Variants in SPTAN1 observed in about 807,000 individuals in gnomAD.
SPTAN1 encodes spectrin alpha, non-erythrocytic 1.
SPTAN1 carries 61 observed loss-of-function variants against 331.3 expected under a neutral mutation model. The observed-to-expected ratio is 0.18, with a 90% CI of 0.15 to 0.23. The LOEUF is 0.23. Ranked by LOEUF, SPTAN1 falls within the 10% of genes least tolerant of loss-of-function variation. The pLI is 1.00. For synonymous variants in SPTAN1, 1,153 were observed against 1,173.9 expected (o/e 0.98, Z 0.36); for missense variants, 2,043 against 3,147.9 (o/e 0.65, Z 8.40).
intron 11 of SPTAN1, among the ~76,000 whole-genome samples, chr9:128,581,428 G>A (rs1272000921): frequency 4.8e-5 from 7 of 146,290 alleles, no homozygotes; most frequent in Admixed American, 1.4e-4. Context: ...AGCTATGATC[G>A]TACCACCGCA....
intron 20 of SPTAN1, 23 bp from the exon 21 acceptor site, chr9:128,588,786 T>C (rs1175589573): frequency 6.2e-7 from 1 of 1,613,750 alleles, no homozygotes; most frequent in South Asian, 1.1e-5. Context: ...TTTACCATGT[T>C]TGCCCTTCCT....
intron 11 of SPTAN1, among the ~76,000 whole-genome samples, chr9:128,581,471 T>TCA: frequency 4.4e-5 from 1 of 22,558 alleles, no homozygotes; most frequent in Non-Finnish European, 1.2e-4. Flanking sequence ...AGATCCTGTC[T>TCA]CACAAAAAAA....
chr9:128,555,541 A>ATAATT, intron 1 of SPTAN1: 2 of 487,566 alleles, frequency 4.1e-6, no homozygotes, highest in Non-Finnish European at 6.2e-6. Flanking sequence ...TGTTAAACAA[A>ATAATT]TTGGTTAGGA....
At chr9:128,609,725 T>C in intron 37 of SPTAN1, 60 bp downstream of exon 37, 1 of 1,144,910 alleles carries the variant, frequency 8.7e-7, no homozygotes, top group Non-Finnish European at 1.2e-6. Context: ...TGTGTTACTC[T>C]GCGTAGATTA....
rs753090619 is a variant in SPTAN1 at position 128,582,673 on chromosome 9, C to T, written c.1651-21C>T. On this transcript the variant is annotated intron_variant, in intron 13 of 56. Transcript: ENST00000372739. ...TTTGGGAGTGAACACTAGAGACTCA[C>T]AGGGGATCCTTGTCTTTCAGCTGTT... 3 of 1,612,272 alleles carry T rather than the reference C, an allele frequency of 1.9e-6. No individual in the cohort carries two copies. In the South Asian group the frequency reaches 3.3e-5, roughly 18 times the overall value.
intron 1 of SPTAN1, among the ~76,000 whole-genome samples, chr9:128,562,132 T>A (rs4506330): frequency 0.75 from 113,908 of 152,018 alleles, 45,419 homozygotes; most frequent in Non-Finnish European, 0.9. Context: ...TTTTATATTT[T>A]TTATTTTTTT....
At chr9:128,571,676 T>C (rs992243451) in intron 3 of SPTAN1, among the ~76,000 whole-genome samples, 11 of 152,208 alleles carry the variant, frequency 7.2e-5, no homozygotes, top group African/African-American at 2.7e-4. Flanking sequence ...ACAGTTACTT[T>C]GCTAACCTCT....
chr9:128,606,593 C>T (rs185854695), intron 31 of SPTAN1, among the ~76,000 whole-genome samples: 4,143 of 151,326 alleles, frequency 0.027, 193 homozygotes, highest in African/African-American at 0.094. Context: ...AAGCGATTCT[C>T]CTGCCTCAGC....
At chr9:128,579,601 G>A (rs1249010474) in intron 9 of SPTAN1, 36 bp from the exon 10 acceptor site, 1 of 1,533,664 alleles carries the variant, frequency 6.5e-7, no homozygotes, top group Admixed American at 1.7e-5. Context: ...GTAAGATGCT[G>A]GGCACAAATC....
chr9:128,601,704 T>C lies in SPTAN1; in HGVS notation c.3579+1589T>C, dbSNP rs115220884. On this transcript the variant is annotated intron_variant, in intron 27 of 56. Transcript: ENST00000372739. ...TGTCCCCAGAAATATGAAGAAAGCA[T>C]GAAAAGCTAAAAACAAAAAGCCTCC... Among the ~76,000 whole-genome samples the C allele has an allele frequency of 6.1e-3, 934 of 152,204 alleles. 8 individuals carry two copies. The highest frequency in any genetic ancestry group is 0.021 in the African/African-American group (868 of 41,554).
At chr9:128,576,400 A>G (rs1851307391) in intron 5 of SPTAN1, among the ~76,000 whole-genome samples, 1 of 152,186 alleles carries the variant, frequency 6.6e-6, no homozygotes, top group Admixed American at 6.5e-5. Context: ...CGTCAGTCTA[A>G]AGCCAGGGAC....
intron 1 of SPTAN1, among the ~76,000 whole-genome samples, chr9:128,564,845 T>C (rs1265252028): frequency 6.6e-6 from 1 of 152,150 alleles, no homozygotes; most frequent in Non-Finnish European, 1.5e-5. Flanking sequence ...AAAGGAAGCA[T>C]GTGCACATGG....
At chr9:128,567,339 T>C (rs1252654225) in intron 2 of SPTAN1, among the ~76,000 whole-genome samples, 2 of 152,226 alleles carry the variant, frequency 1.3e-5, no homozygotes, top group African/African-American at 4.8e-5. Flanking sequence ...TCGCCCAGGC[T>C]GGAGTGCAAT....
At position 128,576,746 on chromosome 9, in the gene SPTAN1, A is replaced by G. The variant is rs902878059; in HGVS notation, c.652-77A>G. 4.4e-6 allele frequency: 7 copies of G among 1,587,506 alleles called. No homozygotes were observed. The Admixed American group carries it at 5.3e-5, about 12-fold the overall frequency. On this transcript the variant is annotated intron_variant, in intron 5 of 56. Transcript: ENST00000372739. ...AGTGGTGATTTGCTGAGATGCTTCA[A>G]GGAACCAACCCCAGGGTAACTAGTT...
chr9:128,557,315 T>C (rs1179271058), intron 1 of SPTAN1, among the ~76,000 whole-genome samples: 1 of 152,238 alleles, frequency 6.6e-6, no homozygotes, highest in Non-Finnish European at 1.5e-5. Context: ...TTGTTTTTAA[T>C]AGAGACTCCT....
chr9:128,629,804 C>T lies in SPTAN1; in HGVS notation c.6708-517C>T, dbSNP rs147207084. The stretch of plus-strand genomic sequence containing the variant: ...TTGGTCGTGATCTCCCAGCACTCCA[C>T]TTGTGTCCTTTGTCTGCAGGGTCGT... On this transcript the variant is annotated intron_variant, in intron 51 of 56. Transcript: ENST00000372739. The surrounding 1 kb of genome is among the most constrained non-coding windows in gnomAD (Gnocchi z 4.9). The T allele has an allele frequency of 6.3e-5, 17 of 271,614 alleles. No homozygotes were observed. The East Asian group carries it at 1.6e-3, about 25-fold the overall frequency. 16.8% of individuals were successfully genotyped at this position (271,614 alleles called of 1,614,324 possible).
intron 24 of SPTAN1, among the ~76,000 whole-genome samples, chr9:128,595,113 G>GT (rs1038063048): frequency 2.6e-4 from 27 of 104,868 alleles, no homozygotes; most frequent in South Asian, 1.4e-3. Flanking sequence ...CCCGGCCTCA[G>GT]TTTTTTTTTT....
At chr9:128,568,420 G>A (rs137986838) in intron 2 of SPTAN1, among the ~76,000 whole-genome samples, 1 of 152,170 alleles carries the variant, frequency 6.6e-6, no homozygotes. Context: ...TGTTGGTATG[G>A]TTCTGTATTT....
rs11382658 is a variant in SPTAN1 at position 128,585,015 on chromosome 9, CT to C, written c.2560+189del. Among the ~76,000 whole-genome samples, 767 of 133,048 alleles carry C rather than the reference CT, an allele frequency of 5.8e-3. 5 individuals are homozygous for C. Among genetic ancestry groups the C allele is most frequent in the African/African-American group, 0.012 (432 of 34,766 alleles). The allele number at this position is 133,048 out of a possible 152,430, so 87.3% of individuals were successfully genotyped here. A position where few individuals can be genotyped will look rare whatever the true frequency, so the allele number is the denominator to read the frequency against. Reference sequence around the variant, plus strand: ...CCTTACCCTTTCTGAGCCTGAATTTCTTTTTTTTTTTTTTTTTGAGACGGGG... The same window carrying C: ...CCTTACCCTTTCTGAGCCTGAATTTCTTTTTTTTTTTTTTTTGAGACGGGG... On this transcript the variant is annotated intron_variant, in intron 18 of 56. Coordinates refer to ENST00000372739, the MANE Select transcript of SPTAN1 (RefSeq NM_001130438.3).
Sources: allele counts gnomAD v4.1 joint callset (sites outside exome capture counted in the v4.1 genomes callset), GRCh38; gene constraint gnomAD v4.1.1; non-coding constraint Gnocchi (gnomAD v3.1); transcripts MANE v1.5; gene names NCBI Gene and HGNC (gene_info 2026-07-23, HGNC 2026-07-21).